The following PPFIBP2 variants were observed in gnomAD, a reference collection of about 807,000 sequenced individuals.
PPFIBP2 encodes PPFIB scaffold protein 2, also known as liprin-beta-2.
In PPFIBP2, 118 loss-of-function variants were observed where a neutral mutation model predicts 118.3. The ratio of observed to expected loss-of-function variants is 1.00; its 90% CI spans 0.86 to 1.16. The LOEUF (loss-of-function observed/expected upper bound fraction) is 1.16. PPFIBP2 is among the 50% of genes most tolerant of loss of function. PPFIBP2 has a pLI of 0.00. For missense variants in PPFIBP2, 1,195 were observed against 1,073.1 expected, an observed-to-expected ratio of 1.11 and a Z score of -1.59; for synonymous variants, 414 against 397.4, an observed-to-expected ratio of 1.04 and a Z score of -0.50.
chr11:7,548,941 C>T (rs1325313340), intron 1 of PPFIBP2, among the ~76,000 whole-genome samples: 1 of 152,174 alleles, frequency 6.6e-6, no homozygotes, highest in Non-Finnish European at 1.5e-5. Flanking sequence ...CAGCCTGGCT[C>T]ACACCCACCC....
chr11:7,579,962 CA>C (rs945130338), intron 3 of PPFIBP2, among the ~76,000 whole-genome samples: 2 of 150,054 alleles, frequency 1.3e-5, no homozygotes, highest in Non-Finnish European at 3.0e-5. Context: ...AAAAAAAAAA[CA>C]AAAAAAACAA....
At position 7,565,909 on chromosome 11, in the gene PPFIBP2, G is replaced by T. The variant is rs74378079; in HGVS notation, c.279+142G>T. The T allele has an allele frequency of 4.4e-3, 3,969 of 894,728 alleles. 84 individuals are homozygous for T. The highest frequency in any genetic ancestry group is 0.041 in the East Asian group (1,536 of 37,608). 55.4% of individuals were successfully genotyped at this position (894,728 alleles called of 1,614,324 possible). A position where few individuals can be genotyped will look rare whatever the true frequency, so the allele number is the denominator to read the frequency against. ...CATCCCACTTTGGCCAACGCTGCAG[G>T]GTGGCCCTTCTTATCAAGGAGTATA... is the stretch of plus-strand genomic sequence containing the variant. On this transcript the variant is annotated intron_variant, in intron 3 of 23. Transcript: ENST00000299492.
chr11:7,577,295 T>TGGTGCGTGTGCGTGCATGTATGTGCG (rs2134920362), intron 3 of PPFIBP2: 1 of 242,976 alleles, frequency 4.1e-6, no homozygotes, highest in East Asian at 1.1e-4. Flanking sequence ...ATCCCAGTCC[T>TGGTGCGTGTGCGTGCATGTATGTGCG]GGTGCGTGTG....
intron 14 of PPFIBP2, among the ~76,000 whole-genome samples, chr11:7,636,298 G>A (rs1851443126): frequency 6.6e-6 from 1 of 152,098 alleles, no homozygotes; most frequent in African/African-American, 2.4e-5. Flanking sequence ...CGGTAAAATG[G>A]GGCATCTCTG....
chr11:7,538,197 C>G (rs887802322), intron 1 of PPFIBP2: 1 of 152,358 alleles, frequency 6.6e-6, no homozygotes, highest in Non-Finnish European at 1.5e-5. Flanking sequence ...AGACCCTGCG[C>G]TCCTCCTTGT....
intron 1 of PPFIBP2, among the ~76,000 whole-genome samples, chr11:7,517,906 C>T (rs1849377847): frequency 6.6e-6 from 1 of 152,152 alleles, no homozygotes; most frequent in South Asian, 2.1e-4. Context: ...AGGGGCCGCT[C>T]ATAGTCCGAC....
chr11:7,653,408 C>T lies in PPFIBP2; in HGVS notation c.*190C>T, dbSNP rs1236545260. The T allele has an allele frequency of 1.3e-6, 2 of 1,492,118 alleles. No homozygotes were observed. The highest frequency in any genetic ancestry group is 1.4e-5 in the African/African-American group (1 of 72,160). The allele number at this position is 1,492,118 out of a possible 1,614,324, so 92.4% of individuals were successfully genotyped here. ...ATCTGGAGCTGCATCTCTAAGGGGC[C>T]AGGCTTTGGGGACCATTGCCAAAGG... is the stretch of plus-strand genomic sequence containing the variant. On this transcript the variant is annotated 3_prime_UTR_variant, in exon 24 of 24. Transcript: ENST00000299492.
intron 2 of PPFIBP2, among the ~76,000 whole-genome samples, chr11:7,555,902 T>A (rs145352894): frequency 6.6e-6 from 1 of 152,364 alleles, no homozygotes; most frequent in East Asian, 1.9e-4. Context: ...GCCTCGTGTA[T>A]TCTTGTTTGA....
intron 17 of PPFIBP2, among the ~76,000 whole-genome samples, chr11:7,647,898 A>G (rs923621395): frequency 5.3e-5 from 8 of 152,194 alleles, no homozygotes; most frequent in Non-Finnish European, 1.0e-4. Flanking sequence ...GTTAATAAGT[A>G]ATGTGCTAGC....
chr11:7,647,159 C>T (rs1183729575), intron 17 of PPFIBP2, among the ~76,000 whole-genome samples: 1 of 152,040 alleles, frequency 6.6e-6, no homozygotes, highest in East Asian at 1.9e-4. Context: ...CTCAACCAGG[C>T]ATTTAAAAAA....
At chr11:7,550,601 A>G (rs1207750122) in intron 2 of PPFIBP2, among the ~76,000 whole-genome samples, 1 of 152,176 alleles carries the variant, frequency 6.6e-6, no homozygotes, top group Non-Finnish European at 1.5e-5. Context: ...AGCCATGACT[A>G]ATGTCCTGCT....
downstream of PPFIBP2, among the ~76,000 whole-genome samples, chr11:7,659,062 G>C (rs1267939370): frequency 1.5e-3 from 208 of 141,618 alleles, no homozygotes; most frequent in African/African-American, 5.2e-3. Flanking sequence ...CAGATGAGTA[G>C]GTTGCGAAAA....
chr11:7,642,047 T>TTTG (rs1852269295), intron 16 of PPFIBP2: 2 of 464,726 alleles, frequency 4.3e-6, no homozygotes, highest in South Asian at 7.0e-5. Flanking sequence ...TGGGGCCTCC[T>TTTG]ACAAGGCATC....
intron 14 of PPFIBP2, 65 bp downstream of exon 14, chr11:7,635,658 C>A: frequency 1.3e-6 from 2 of 1,512,774 alleles, no homozygotes; most frequent in Non-Finnish European, 1.8e-6. Flanking sequence ...TTTAATTTAG[C>A]AAGTCATAGT....
At chr11:7,547,854 C>A (rs928111065) in intron 1 of PPFIBP2, among the ~76,000 whole-genome samples, 2 of 152,272 alleles carry the variant, frequency 1.3e-5, no homozygotes, top group Non-Finnish European at 2.9e-5. Flanking sequence ...CCTGCCCTCT[C>A]CCCCTCCACA....
chr11:7,649,284 C>A, intron 20 of PPFIBP2, 49 bp downstream of exon 20: 1 of 1,485,916 alleles, frequency 6.7e-7, no homozygotes, highest in Non-Finnish European at 9.4e-7. Flanking sequence ...GAGCACTCAG[C>A]TCACGTGTAC....
At chr11:7,574,692 C>T (rs1324351173) in intron 3 of PPFIBP2, among the ~76,000 whole-genome samples, 1 of 152,072 alleles carries the variant, frequency 6.6e-6, no homozygotes, top group East Asian at 1.9e-4. Context: ...ATGAGGGAGC[C>T]ACGACAGGGA....
At chr11:7,554,551 C>T (rs992379604) in intron 2 of PPFIBP2, among the ~76,000 whole-genome samples, 9 of 152,106 alleles carry the variant, frequency 5.9e-5, no homozygotes, top group Non-Finnish European at 1.2e-4. Flanking sequence ...ATTATCACTC[C>T]TGTAAACAAT....
At chr11:7,562,894 G>A (rs1854450317) in intron 2 of PPFIBP2, among the ~76,000 whole-genome samples, 4 of 135,348 alleles carry the variant, frequency 3.0e-5, no homozygotes, top group East Asian at 4.6e-4. Flanking sequence ...AGTAATAAAA[G>A]AAATATAAGT....
Sources: allele counts gnomAD v4.1 joint callset (sites outside exome capture counted in the v4.1 genomes callset), GRCh38; gene constraint gnomAD v4.1.1; transcripts MANE v1.5; gene names NCBI Gene and HGNC (gene_info 2026-07-23, HGNC 2026-07-21).